AGPAT4: variants seen among roughly 807,000 people sequenced by gnomAD.
AGPAT4 encodes 1-acylglycerol-3-phosphate O-acyltransferase 4.
A neutral mutation model predicts 48.0 loss-of-function variants in AGPAT4; 15 were observed. The observed-to-expected ratio is 0.31, with a 90% CI of 0.21 to 0.48. The LOEUF (loss-of-function observed/expected upper bound fraction) is 0.48. Among genes scored for constraint, AGPAT4 ranks in the 20% least tolerant of loss-of-function variants. The probability of loss-of-function intolerance (pLI) is 0.99; values close to 1 mark genes in which losing one functional copy is unlikely to be tolerated. For synonymous variants in AGPAT4, 178 were observed against 198.7 expected (o/e 0.90, Z 0.88); for missense variants, 314 against 482.5 (o/e 0.65, Z 3.27).
In AGPAT4 at chr6:161,249,526, GA is replaced by G. The variant is rs908828802; in HGVS notation, c.-89-17225del. Among the ~76,000 whole-genome samples, 1 of 152,030 alleles carries G rather than the reference GA, an allele frequency of 6.6e-6. No individual in the cohort carries two copies. Among genetic ancestry groups the G allele is most frequent in the Non-Finnish European group, 1.5e-5 (1 of 67,998 alleles). On this transcript the variant is annotated intron_variant, in intron 1 of 8. Coordinates refer to ENST00000320285, the MANE Select transcript of AGPAT4 (RefSeq NM_020133.3). This position sits in a 1 kb window ranked among gnomAD's most constrained non-coding sequence, Gnocchi z 6.2. ...AAAGGACATGAACAGACACTTTTCA[GA>G]AGACATACATGAGGCCAGCAAACAC...
At chr6:161,192,517 A>C (rs1170433309) in intron 2 of AGPAT4, among the ~76,000 whole-genome samples, 2 of 152,142 alleles carry the variant, frequency 1.3e-5, no homozygotes, top group African/African-American at 4.8e-5. Flanking sequence ...ATTCTGGCCT[A>C]ATATTCTAAT....
rs1320985928 is a variant in AGPAT4, at chr6:161,195,715, CTG to C, written c.179-29300_179-29299del. On this transcript the variant is annotated intron_variant, in intron 2 of 8. Coordinates refer to ENST00000320285, the MANE Select transcript of AGPAT4 (RefSeq NM_020133.3). This position sits in a 1 kb window ranked among gnomAD's most constrained non-coding sequence, Gnocchi z 5.0. ...GAAAGAACTCTAAGAAGGCCACCCT[CTG>C]TCTCTCAGATCCAAAACTACACATG... Among the ~76,000 whole-genome samples the C allele has an allele frequency of 6.6e-6, 1 of 152,236 alleles. No individual in the cohort carries two copies. Among genetic ancestry groups the C allele is most frequent in the East Asian group, 1.9e-4 (1 of 5,204 alleles).
intron 2 of AGPAT4, among the ~76,000 whole-genome samples, chr6:161,193,560 T>G (rs1780982792): frequency 6.6e-6 from 1 of 152,198 alleles, no homozygotes; most frequent in African/African-American, 2.4e-5. Flanking sequence ...CAATACAAAC[T>G]TCCGAGTTGG....
intron 1 of AGPAT4, among the ~76,000 whole-genome samples, chr6:161,256,486 GT>G (rs1782946926): frequency 6.6e-6 from 1 of 152,248 alleles, no homozygotes. Context: ...TCTGCCGTGT[GT>G]CATGGATGAA....
intron 1 of AGPAT4, among the ~76,000 whole-genome samples, chr6:161,239,154 T>C (rs1782406265): frequency 6.6e-6 from 1 of 152,186 alleles, no homozygotes; most frequent in Admixed American, 6.5e-5. Flanking sequence ...AGCACAGCGT[T>C]TGGTCGATGG....
At chr6:161,268,211 G>C (rs1201649563) in intron 1 of AGPAT4, among the ~76,000 whole-genome samples, 1 of 152,222 alleles carries the variant, frequency 6.6e-6, no homozygotes, top group Admixed American at 6.5e-5. Context: ...GAGGCCCTCA[G>C]TGAAGGCAGG....
intron 2 of AGPAT4, among the ~76,000 whole-genome samples, chr6:161,211,694 C>A (rs531730688): frequency 1.3e-5 from 2 of 152,134 alleles, no homozygotes; most frequent in African/African-American, 4.8e-5. Context: ...TAGGAAAAAA[C>A]TGAAATTAAT....
In AGPAT4 at chr6:161,238,130, G is replaced by A. The variant is rs981714416; in HGVS notation, c.-89-5828C>T. ...ATGCAGCATAGTTGTTGGAGCTTCCGCTGTGGAGAGGGCACTGAGAGTCAG... is the reference window on the plus strand; with the variant it reads ...ATGCAGCATAGTTGTTGGAGCTTCCACTGTGGAGAGGGCACTGAGAGTCAG... On this transcript the variant is annotated intron_variant, in intron 1 of 8. Transcript: ENST00000320285. The surrounding 1 kb of genome is among the most constrained non-coding windows in gnomAD (Gnocchi z 5.2). 2.0e-5 allele frequency among the ~76,000 whole-genome samples: 3 copies of A among 152,092 alleles called. No homozygotes were observed. Among genetic ancestry groups the A allele is most frequent in the African/African-American group, 4.8e-5 (2 of 41,410 alleles).
chr6:161,224,420 G>C (rs113130396), intron 2 of AGPAT4, among the ~76,000 whole-genome samples: 12 of 151,946 alleles, frequency 7.9e-5, no homozygotes, highest in African/African-American at 2.9e-4. Context: ...GAGGTGGGAG[G>C]ATCACTTGAG....
chr6:161,178,032 C>T lies in AGPAT4; in HGVS notation c.179-11615G>A, dbSNP rs186749781. Among the ~76,000 whole-genome samples the T allele has an allele frequency of 2.0e-5, 3 of 152,308 alleles. No individual in the cohort carries two copies. In the East Asian group the frequency reaches 5.8e-4, roughly 29 times the overall value. On this transcript the variant is annotated intron_variant, in intron 2 of 8. Coordinates refer to ENST00000320285, the MANE Select transcript of AGPAT4 (RefSeq NM_020133.3). The surrounding 1 kb of genome is among the most constrained non-coding windows in gnomAD (Gnocchi z 5.1). ...TGAAAGCTTCGTCTCAGAGGGGCACCTGACTGTATGTGGTGTCAAATGGCC... is the reference window on the plus strand; with the variant it reads ...TGAAAGCTTCGTCTCAGAGGGGCACTTGACTGTATGTGGTGTCAAATGGCC...
chr6:161,183,905 AG>A (rs1444227471), intron 2 of AGPAT4, among the ~76,000 whole-genome samples: 10 of 151,436 alleles, frequency 6.6e-5, no homozygotes, highest in Middle Eastern at 3.2e-3. Context: ...GAGGCCCAGG[AG>A]GGTGGAGCTC....
At position 161,136,465 on chromosome 6, in the gene AGPAT4, CGTGTCCCA is replaced by C. The variant is rs1779068983; in HGVS notation, c.*67_*74del. The stretch of plus-strand genomic sequence containing the variant: ...CAGGGGCTCACCCAGCCTTTGTCAC[CGTGTCCCA>C]CTAAGGAGGATATGCAGAGGCCACC... On this transcript the variant is annotated 3_prime_UTR_variant, in exon 9 of 9. Coordinates refer to ENST00000320285, the MANE Select transcript of AGPAT4 (RefSeq NM_020133.3). 1 of 1,368,936 alleles carries C rather than the reference CGTGTCCCA, an allele frequency of 7.3e-7. No individual in the cohort carries two copies. The highest frequency in any genetic ancestry group is 1.4e-5 in the African/African-American group (1 of 70,386). The allele number at this position is 1,368,936 out of a possible 1,614,324, so 84.8% of individuals were successfully genotyped here. A position where few individuals can be genotyped will look rare whatever the true frequency, so the allele number is the denominator to read the frequency against.
chr6:161,233,496 G>C lies in AGPAT4; in HGVS notation c.-89-1194C>G, dbSNP rs1409341253. Among the ~76,000 whole-genome samples the C allele has an allele frequency of 6.6e-6, 1 of 152,084 alleles. No homozygotes were observed. The highest frequency in any genetic ancestry group is 1.5e-5 in the Non-Finnish European group (1 of 68,030). Reference sequence around the variant, plus strand: ...AACAATCTGTATACAGATGGTCCTCGACTTATGATTCCACTGAAAATTTCC... The same window carrying C: ...AACAATCTGTATACAGATGGTCCTCCACTTATGATTCCACTGAAAATTTCC... On this transcript the variant is annotated intron_variant, in intron 1 of 8. Transcript: ENST00000320285. The surrounding 1 kb of genome is among the most constrained non-coding windows in gnomAD (Gnocchi z 5.4).
rs944392211 is a variant in AGPAT4, at chr6:161,223,119, C to A, written c.178+8917G>T. 6.6e-6 allele frequency among the ~76,000 whole-genome samples: 1 copy of A among 152,158 alleles called. No homozygotes were observed. Among genetic ancestry groups the A allele is most frequent in the African/African-American group, 2.4e-5 (1 of 41,436 alleles). ...GTCTAATCATCAACTCACTGCTCTACCATGCTGGGTCTATGAGCCTTCTCC... is the reference window on the plus strand; with the variant it reads ...GTCTAATCATCAACTCACTGCTCTAACATGCTGGGTCTATGAGCCTTCTCC... On this transcript the variant is annotated intron_variant, in intron 2 of 8. Transcript: ENST00000320285. The surrounding 1 kb of genome is among the most constrained non-coding windows in gnomAD (Gnocchi z 6.3).
At chr6:161,163,269 G>A (rs1363210246) in intron 3 of AGPAT4, among the ~76,000 whole-genome samples, 2 of 152,238 alleles carry the variant, frequency 1.3e-5, no homozygotes, top group African/African-American at 2.4e-5. Flanking sequence ...TGTGATAGGT[G>A]AGGATGAAAA....
At chr6:161,250,935 C>G (rs1259973015) in intron 1 of AGPAT4, among the ~76,000 whole-genome samples, 3 of 152,072 alleles carry the variant, frequency 2.0e-5, no homozygotes, top group Non-Finnish European at 4.4e-5. Context: ...ATTGATTGTG[C>G]CTTTATCCCT....
At chr6:161,268,630 T>G (rs2114763067) in intron 1 of AGPAT4, among the ~76,000 whole-genome samples, 1 of 152,316 alleles carries the variant, frequency 6.6e-6, no homozygotes, top group Admixed American at 6.5e-5. Context: ...AGAGCAGAGA[T>G]GCCCGTGCCA....
chr6:161,239,060 C>T (rs962567504), intron 1 of AGPAT4, among the ~76,000 whole-genome samples: 1 of 152,120 alleles, frequency 6.6e-6, no homozygotes, highest in East Asian at 1.9e-4. Context: ...GCGAGACAAA[C>T]GCTCTCACTC....
chr6:161,199,923 T>C (rs1781179335), intron 2 of AGPAT4, among the ~76,000 whole-genome samples: 1 of 152,134 alleles, frequency 6.6e-6, no homozygotes, highest in South Asian at 2.1e-4. Flanking sequence ...CTAAAGCAGC[T>C]TGACATCAAT....
Sources: gnomAD v4.1 joint callset for allele counts (sites outside exome capture counted in the v4.1 genomes callset) on GRCh38, gnomAD v4.1.1 for gene constraint, Gnocchi (gnomAD v3.1) non-coding constraint, MANE v1.5 for transcripts, NCBI Gene and HGNC (gene_info 2026-07-23, HGNC 2026-07-21) for gene names.